VAC14: variants seen among roughly 807,000 people sequenced by gnomAD.
VAC14 encodes the protein protein VAC14 homolog.
A neutral mutation model predicts 85.3 loss-of-function variants in VAC14; 47 were observed. The ratio of observed to expected loss-of-function variants is 0.55; its 90% CI spans 0.44 to 0.70. VAC14 has a LOEUF of 0.70. VAC14 is among the 30% of genes least tolerant of loss of function. The probability of loss-of-function intolerance (pLI) is 0.00; values close to 1 mark genes in which losing one functional copy is unlikely to be tolerated. For synonymous variants in VAC14, 447 were observed against 430.5 expected (o/e 1.04, Z -0.47); for missense variants, 861 against 1,004.3 (o/e 0.86, Z 1.93).
At position 70,690,056 on chromosome 16, in the gene VAC14, G is replaced by A. The variant is rs987193238; in HGVS notation, c.2187-1966C>T. On this transcript the variant is annotated intron_variant, in intron 18 of 18. Coordinates refer to ENST00000261776, the MANE Select transcript of VAC14 (RefSeq NM_018052.5). ...CTGGCAAGCCAAGGCCTTAGGTTAG[G>A]GGAGCTTAGGGGCCTTTAGAGAGAT... 19 of 985,498 alleles carry A rather than the reference G, an allele frequency of 1.9e-5. No homozygotes were observed. In the African/African-American group the frequency reaches 3.1e-4, roughly 16 times the overall value. 61.0% of individuals were successfully genotyped at this position (985,498 alleles called of 1,614,324 possible). A position where few individuals can be genotyped will look rare whatever the true frequency, so the allele number is the denominator to read the frequency against.
At position 70,692,986 on chromosome 16, in the gene VAC14, G is replaced by A; in HGVS notation, c.2036-15C>T. 1 of 1,607,368 alleles carries A rather than the reference G, an allele frequency of 6.2e-7. No individual in the cohort carries two copies. The highest frequency in any genetic ancestry group is 8.5e-7 in the Non-Finnish European group (1 of 1,177,464). ...CAGGCGCAGATCTGGGGTAGGCAGA[G>A]GGCAGGGGTCAGGGACCTGGCACTG... On this transcript the variant is annotated splice_polypyrimidine_tract_variant and intron_variant, in intron 17 of 18. Coordinates refer to ENST00000261776, the MANE Select transcript of VAC14 (RefSeq NM_018052.5).
intron 14 of VAC14, among the ~76,000 whole-genome samples, chr16:70,722,374 GGA>G (rs2054316181): frequency 6.6e-6 from 1 of 152,246 alleles, no homozygotes; most frequent in Admixed American, 6.5e-5. Flanking sequence ...CTCAGAGACA[GGA>G]GCTCTCTCCT....
In VAC14 at chr16:70,687,608, A is replaced by T. The variant is rs2053518308; in HGVS notation, c.*320T>A. 4.0e-6 allele frequency: 1 copy of T among 252,784 alleles called. No homozygotes were observed. Among genetic ancestry groups the T allele is most frequent in the Non-Finnish European group, 7.5e-6 (1 of 133,068 alleles). The allele number at this position is 252,784 out of a possible 1,614,324, so 15.7% of individuals were successfully genotyped here. A position where few individuals can be genotyped will look rare whatever the true frequency, so the allele number is the denominator to read the frequency against. On this transcript the variant is annotated 3_prime_UTR_variant, in exon 19 of 19. Coordinates refer to ENST00000261776, the MANE Select transcript of VAC14 (RefSeq NM_018052.5). Reference sequence around the variant, plus strand: ...GGCCAGAGCTCTAGTGTGCTGGAGGAGGGGCAAGCTCTTTTTCCAAGAGGG... The same window carrying T: ...GGCCAGAGCTCTAGTGTGCTGGAGGTGGGGCAAGCTCTTTTTCCAAGAGGG...
rs561844967 is a variant in VAC14 at position 70,691,827 on chromosome 16, G to A, written c.2186+994C>T. On this transcript the variant is annotated intron_variant, in intron 18 of 18. Transcript: ENST00000261776. ...AGGGGCAGTGGGAGCCGATGCCAGC[G>A]GTGTGGAGGGCACAGGGCCTCCGGG... 1.2e-4 allele frequency: 115 copies of A among 985,410 alleles called. No individual in the cohort carries two copies. In the South Asian group the frequency reaches 4.6e-3, roughly 39 times the overall value. 61.0% of individuals were successfully genotyped at this position (985,410 alleles called of 1,614,324 possible). A position where few individuals can be genotyped will look rare whatever the true frequency, so the allele number is the denominator to read the frequency against.
intron 10 of VAC14, among the ~76,000 whole-genome samples, chr16:70,765,331 C>T (rs1055775390): frequency 5.3e-5 from 8 of 152,092 alleles, no homozygotes; most frequent in African/African-American, 1.7e-4. Context: ...AGGAGGAGGG[C>T]GGTGCCGTGA....
chr16:70,689,093 A>G (rs1597841037), intron 18 of VAC14: 2 of 985,186 alleles, frequency 2.0e-6, no homozygotes, highest in East Asian at 2.3e-4. Context: ...AGGCACTGGC[A>G]GAGCACAGGA....
rs555054090 is a variant in VAC14, at chr16:70,718,573, T to A, written c.1661+12922A>T. On this transcript the variant is annotated intron_variant, in intron 14 of 18. Transcript: ENST00000261776. ...TGGGTGACAGAATGAGACTCCTTTT[T>A]AAAAAAAAAAAAAACAAAAAAACAA... 1.0e-3 allele frequency among the ~76,000 whole-genome samples: 144 copies of A among 143,250 alleles called. 1 individual carries two copies. Among genetic ancestry groups the A allele is most frequent in the South Asian group, 2.7e-3 (12 of 4,402 alleles). 94.0% of individuals were successfully genotyped at this position (143,250 alleles called of 152,430 possible).
At chr16:70,789,639 T>C (rs931586825) in intron 1 of VAC14, among the ~76,000 whole-genome samples, 1 of 152,238 alleles carries the variant, frequency 6.6e-6, no homozygotes, top group African/African-American at 2.4e-5. Flanking sequence ...GCCTAAAGAA[T>C]TTATAAATCC....
rs779856931 is a variant in VAC14, at chr16:70,781,971, T to A, written c.844A>T (p.Met282Leu). 2.5e-6 allele frequency: 4 copies of A among 1,613,992 alleles called. No homozygotes were observed. Among genetic ancestry groups the A allele is most frequent in the Non-Finnish European group, 3.4e-6 (4 of 1,180,008 alleles). The change falls in exon 8 of 19, where the codon ATG (methionine) becomes TTG (leucine). Residue 282 changes from methionine to leucine, a missense_variant. This residue lies in a region of VAC14 where 629 missense variants were observed against 703.1 expected (regional missense o/e 0.89). Coordinates refer to ENST00000261776, the MANE Select transcript of VAC14 (RefSeq NM_018052.5). ...CCCGCCAGCTGGATGAACTCCCGCA[T>A]CCAGCACATGGCTGTCAGCTGGATG... is the stretch of plus-strand genomic sequence containing the variant. ...DLIQLTAMCW[M>L]REFIQLAGRV... is the part of the protein sequence containing the mutation.
intron 10 of VAC14, among the ~76,000 whole-genome samples, chr16:70,767,978 G>A (rs28605599): frequency 0.074 from 11,265 of 152,040 alleles, 1,360 homozygotes; most frequent in African/African-American, 0.26. Flanking sequence ...TCAAGCTCCG[G>A]GGCTCAACTG....
chr16:70,785,743 C>A lies in VAC14; in HGVS notation c.382G>T (p.Val128Leu). The stretch of plus-strand genomic sequence containing the variant: ...AAGAGCACGTTGAAGTGGGGCAGCA[C>A]AGCGCCCCGGGCCACCTTGACGATG... The part of the protein sequence containing the change: ...YNIVKVARGA[V>L]LPHFNVLFDG... Residue 128 changes from valine to leucine, a missense_variant, in exon 3 of 19, where the codon GTG becomes TTG. Physicochemically the swap from Val to Leu is conservative, Grantham distance 32. This residue lies in a region of VAC14 where 629 missense variants were observed against 703.1 expected (regional missense o/e 0.89). Coordinates refer to ENST00000261776, the MANE Select transcript of VAC14 (RefSeq NM_018052.5). 6.4e-7 allele frequency: 1 copy of A among 1,570,714 alleles called. No individual in the cohort carries two copies. Among genetic ancestry groups the A allele is most frequent in the South Asian group, 1.2e-5 (1 of 85,646 alleles).
chr16:70,800,527 C>A (rs577593508), intron 1 of VAC14, among the ~76,000 whole-genome samples: 3 of 152,310 alleles, frequency 2.0e-5, no homozygotes, highest in African/African-American at 7.2e-5. Context: ...ATGCACTGTG[C>A]AAAGCACTAC....
chr16:70,691,849 C>G, intron 18 of VAC14: 1 of 985,402 alleles, frequency 1.0e-6, no homozygotes, highest in Non-Finnish European at 1.2e-6. Flanking sequence ...ACAGGGCCTC[C>G]GGGCAGGCCT....
chr16:70,761,646 C>A (rs948299375), intron 12 of VAC14, among the ~76,000 whole-genome samples: 1 of 152,184 alleles, frequency 6.6e-6, no homozygotes, highest in Non-Finnish European at 1.5e-5. Flanking sequence ...GAGCCAGGGG[C>A]CCCCTCCACC....
In VAC14 at chr16:70,762,541, T is replaced by C; in HGVS notation, c.1370A>G (p.Glu457Gly). 6.2e-7 allele frequency: 1 copy of C among 1,614,050 alleles called. No individual in the cohort carries two copies. Among genetic ancestry groups the C allele is most frequent in the Non-Finnish European group, 8.5e-7 (1 of 1,179,928 alleles). The change falls in exon 12 of 19, where the codon GAG (glutamate) becomes GGG (glycine). Residue 457 changes from glutamate to glycine, a missense_variant and splice_region_variant. Glu to Gly is a moderately conservative substitution (Grantham distance 98). Around this residue, in one of 3 missense-constraint regions of VAC14, gnomAD observed 629 missense variants for 703.1 expected, o/e 0.89. Coordinates refer to ENST00000261776, the MANE Select transcript of VAC14 (RefSeq NM_018052.5). This position sits in a 1 kb window ranked among gnomAD's most constrained non-coding sequence, Gnocchi z 4.1. ...GTACGGGTGGCGTTGGTGACCTACC[T>C]CATCCGATTCATCCGATAACGTCTG... ...LLQTLSDESDEVILKDLEVLA... is the reference protein window; with the variant it reads ...LLQTLSDESDGVILKDLEVLA...
At position 70,800,726 on chromosome 16, in the gene VAC14, G is replaced by A. The variant is rs2034756204; in HGVS notation, c.104+71C>T. On this transcript the variant is annotated intron_variant, in intron 1 of 18. Coordinates refer to ENST00000261776, the MANE Select transcript of VAC14 (RefSeq NM_018052.5). Reference sequence around the variant, plus strand: ...GGAAAGTAACCCTGGCTGGGAAGGCGTGAGAAGTCCCCCTGGGGAGCAGAG... The same window carrying A: ...GGAAAGTAACCCTGGCTGGGAAGGCATGAGAAGTCCCCCTGGGGAGCAGAG... 5 of 1,384,226 alleles carry A rather than the reference G, an allele frequency of 3.6e-6. No individual in the cohort carries two copies. In the Admixed American group the frequency reaches 7.1e-5, roughly 20 times the overall value. The allele number at this position is 1,384,226 out of a possible 1,614,324, so 85.7% of individuals were successfully genotyped here.
chr16:70,785,150 C>T (rs1388031081), intron 3 of VAC14, among the ~76,000 whole-genome samples: 1 of 152,220 alleles, frequency 6.6e-6, no homozygotes, highest in African/African-American at 2.4e-5. Flanking sequence ...CAGGGGTTTC[C>T]AATCTTAAAG....
At chr16:70,799,179 G>C (rs146198357) in intron 1 of VAC14, among the ~76,000 whole-genome samples, 424 of 152,326 alleles carry the variant, frequency 2.8e-3, no homozygotes, top group Non-Finnish European at 4.7e-3. Flanking sequence ...CAGAGTGGGT[G>C]AGGGACAAAA....
intron 12 of VAC14, chr16:70,755,267 G>T: frequency 3.1e-6 from 1 of 319,600 alleles, no homozygotes; most frequent in Non-Finnish European, 6.3e-6. Flanking sequence ...AGCAGCCAGG[G>T]ACAGCCCATG....
Sources: gnomAD v4.1 joint callset for allele counts (sites outside exome capture counted in the v4.1 genomes callset) on GRCh38, gnomAD v4.1.1 for gene constraint, gnomAD v4.1.1 regional missense constraint, Gnocchi (gnomAD v3.1) non-coding constraint, MANE v1.5 for transcripts, NCBI Gene and HGNC (gene_info 2026-07-23, HGNC 2026-07-21) for gene names.